The following PRH1 variants were observed in gnomAD, a reference collection of about 807,000 sequenced individuals.
PRH1 encodes the protein proline rich protein HaeIII subfamily 1.
In PRH1, 7 loss-of-function variants were observed where a neutral mutation model predicts 7.9. The observed-to-expected ratio is 0.89, with a 90% CI of 0.50 to 1.67. The LOEUF is 1.67. PRH1 is among the 40% of genes most tolerant of loss of function. The pLI is 0.00. For synonymous variants in PRH1, 45 were observed against 80.8 expected (o/e 0.56, Z 2.38); for missense variants, 109 against 223.6 (o/e 0.49, Z 3.27).
chr12:11,053,729 A>G (rs1943247538), intron 1 of PRH1, among the ~76,000 whole-genome samples: 1 of 152,280 alleles, frequency 6.6e-6, no homozygotes, highest in South Asian at 2.1e-4. Context: ...GGAGAATGTT[A>G]CTAAATAATT....
chr12:11,143,836 T>C (rs1474775306), intron 1 of PRH1, among the ~76,000 whole-genome samples: 1 of 152,190 alleles, frequency 6.6e-6, no homozygotes, highest in East Asian at 1.9e-4. Context: ...AAGTCAAATA[T>C]GATTAGAGCA....
At chr12:10,933,588 A>G (rs1950244287) in intron 2 of PRH1, among the ~76,000 whole-genome samples, 1 of 152,052 alleles carries the variant, frequency 6.6e-6, no homozygotes, top group Non-Finnish European at 1.5e-5. Context: ...TGGATAATGA[A>G]GTCAGCAGAG....
intron 1 of PRH1, among the ~76,000 whole-genome samples, chr12:11,141,217 T>C (rs1332878974): frequency 1.3e-5 from 2 of 152,220 alleles, no homozygotes; most frequent in Admixed American, 1.3e-4. Context: ...TTACCACTCA[T>C]GCTTAGGCCT....
At chr12:11,019,611 C>A (rs994281719) in intron 1 of PRH1, among the ~76,000 whole-genome samples, 2 of 152,242 alleles carry the variant, frequency 1.3e-5, no homozygotes, top group Non-Finnish European at 2.9e-5. Flanking sequence ...AAATGAAATG[C>A]CTTTTTGTGT....
At chr12:10,940,603 C>T (rs562170381) in intron 2 of PRH1, among the ~76,000 whole-genome samples, 3 of 152,262 alleles carry the variant, frequency 2.0e-5, no homozygotes, top group South Asian at 2.1e-4. Context: ...CACATATACT[C>T]ACTCTCCCAG....
intron 1 of PRH1, among the ~76,000 whole-genome samples, chr12:11,167,120 T>G (rs1947603793): frequency 6.7e-6 from 1 of 149,054 alleles, no homozygotes; most frequent in African/African-American, 2.4e-5. Flanking sequence ...TTCCAAAGAT[T>G]AAGTCATAGA....
At position 10,883,093 on chromosome 12, in the gene PRH1, A is replaced by G; in HGVS notation, c.68T>C (p.Val23Ala). ...FSSAQDLNED[V>A]SQEDVPLVIS... ...TACGAGGGGAACATCTTCCTGGCTGACATCTAGAAAAGAAGTACAGGATGA... is the reference window on the plus strand; with the variant it reads ...TACGAGGGGAACATCTTCCTGGCTGGCATCTAGAAAAGAAGTACAGGATGA... The change falls in exon 2 of 4, where the codon GTC (valine) becomes GCC (alanine). Residue 23 changes from valine (V) to alanine (A), a missense_variant. Physicochemically the swap from Val to Ala is moderately conservative, Grantham distance 64. Coordinates refer to ENST00000543626, the MANE Select transcript of PRH1 (RefSeq NM_001393989.1). The G allele has an allele frequency of 6.2e-7, 1 of 1,613,242 alleles. No homozygotes were observed.
chr12:11,041,101 C>T (rs915088009), intron 1 of PRH1, among the ~76,000 whole-genome samples: 2 of 151,634 alleles, frequency 1.3e-5, no homozygotes, highest in African/African-American at 2.4e-5. Context: ...TAAGACCTTA[C>T]TACCAGTAAT....
chr12:10,965,354 T>C, intron 2 of PRH1: 1 of 1,135,726 alleles, frequency 8.8e-7, no homozygotes, highest in Non-Finnish European at 1.2e-6. Context: ...AGTTATCATG[T>C]CTGAACAGAC....
At chr12:11,141,047 ACACT>A (rs1946687633) in intron 1 of PRH1, among the ~76,000 whole-genome samples, 1 of 152,162 alleles carries the variant, frequency 6.6e-6, no homozygotes, top group African/African-American at 2.4e-5. Context: ...TAATACAAAC[ACACT>A]CACACACATA....
chr12:10,916,598 G>A (rs1359854467), intron 2 of PRH1, among the ~76,000 whole-genome samples: 2 of 151,660 alleles, frequency 1.3e-5, no homozygotes, highest in East Asian at 3.9e-4. Flanking sequence ...GGAAGGAATG[G>A]GCTCTCACCA....
At chr12:11,028,324 T>C (rs1942017860) in intron 1 of PRH1, among the ~76,000 whole-genome samples, 1 of 152,204 alleles carries the variant, frequency 6.6e-6, no homozygotes, top group South Asian at 2.1e-4. Flanking sequence ...CAGCTGTGGT[T>C]TCCCCTTGTA....
At chr12:10,977,238 C>T (rs1939146732) in intron 1 of PRH1, among the ~76,000 whole-genome samples, 1 of 152,160 alleles carries the variant, frequency 6.6e-6, no homozygotes, top group South Asian at 2.1e-4. Flanking sequence ...GGCTTTATCA[C>T]TAACATACAA....
chr12:10,949,632 T>A (rs1223772727), intron 2 of PRH1, among the ~76,000 whole-genome samples: 1 of 152,174 alleles, frequency 6.6e-6, no homozygotes, highest in Non-Finnish European at 1.5e-5. Flanking sequence ...TTGGCTTAAT[T>A]TTTTATTATT....
chr12:11,062,904 G>A (rs1204021279), intron 1 of PRH1, among the ~76,000 whole-genome samples: 1 of 152,000 alleles, frequency 6.6e-6, no homozygotes, highest in Non-Finnish European at 1.5e-5. Flanking sequence ...TAATACGTTT[G>A]TATAACTTCA....
At chr12:11,053,391 T>C (rs1178228882) in intron 1 of PRH1, among the ~76,000 whole-genome samples, 1 of 25,114 alleles carries the variant, frequency 4.0e-5, no homozygotes, top group Non-Finnish European at 1.7e-4. Flanking sequence ...AAATGGTTTA[T>C]TTATTTTTCT....
chr12:10,944,614 A>G (rs561768497), intron 2 of PRH1, among the ~76,000 whole-genome samples: 1 of 152,304 alleles, frequency 6.6e-6, no homozygotes. Flanking sequence ...AAATGGTGAC[A>G]GAGGGAATCG....
intron 1 of PRH1, among the ~76,000 whole-genome samples, chr12:11,085,505 C>T (rs996515166): frequency 7.6e-5 from 9 of 119,148 alleles, no homozygotes; most frequent in Non-Finnish European, 1.2e-4. Context: ...AAGGTCCTGA[C>T]CTTAATTTCT....
At chr12:10,989,901 T>C (rs1003513893) in intron 1 of PRH1, among the ~76,000 whole-genome samples, 7 of 152,228 alleles carry the variant, frequency 4.6e-5, no homozygotes, top group Non-Finnish European at 1.0e-4. Context: ...CTACCTACTT[T>C]TCAGATTTTC....
Sources: allele counts gnomAD v4.1 joint callset (sites outside exome capture counted in the v4.1 genomes callset), GRCh38; gene constraint gnomAD v4.1.1; transcripts MANE v1.5; gene names NCBI Gene and HGNC (gene_info 2026-07-23, HGNC 2026-07-21).